Variants in TAFA4 observed in about 807,000 individuals in gnomAD.
TAFA4 encodes the protein TAFA chemokine like family member 4, also known as chemokine-like protein TAFA-4.
In TAFA4, 20 loss-of-function variants were observed where a neutral mutation model predicts 21.1. The ratio of observed to expected loss-of-function variants is 0.95; its 90% CI spans 0.67 to 1.38. The LOEUF (loss-of-function observed/expected upper bound fraction) is 1.38. TAFA4 is among the 40% of genes most tolerant of loss of function. TAFA4 has a pLI of 0.00. For missense variants in TAFA4, 211 were observed against 180.9 expected, an observed-to-expected ratio of 1.17 and a Z score of -0.95; for synonymous variants, 71 against 67.4, an observed-to-expected ratio of 1.05 and a Z score of -0.26.
At chr3:68,892,362 A>C (rs1049625469) in intron 1 of TAFA4, among the ~76,000 whole-genome samples, 6 of 152,206 alleles carry the variant, frequency 3.9e-5, no homozygotes, top group African/African-American at 1.4e-4. Flanking sequence ...TATAAATGGC[A>C]TTTTAATTTC....
intron 3 of TAFA4, among the ~76,000 whole-genome samples, chr3:68,777,665 T>C (rs575571209): frequency 1.3e-5 from 2 of 152,112 alleles, no homozygotes; most frequent in South Asian, 4.2e-4. Context: ...GTAAAACAAA[T>C]TAAGAATATA....
chr3:68,852,312 T>C (rs935278371), intron 3 of TAFA4, among the ~76,000 whole-genome samples: 12 of 152,242 alleles, frequency 7.9e-5, no homozygotes, highest in African/African-American at 2.6e-4. Flanking sequence ...CCTGGGACTT[T>C]CTTCTCCCTC....
intron 3 of TAFA4, among the ~76,000 whole-genome samples, chr3:68,817,844 G>T (rs1219370494): frequency 6.6e-6 from 1 of 152,028 alleles, no homozygotes; most frequent in Non-Finnish European, 1.5e-5. Context: ...TGTCATCCTG[G>T]CTCTACTCAT....
rs965941034 is a variant in TAFA4 at position 68,775,678 on chromosome 3, T to C, written c.131-22660A>G. 2.5e-4 allele frequency among the ~76,000 whole-genome samples: 38 copies of C among 152,128 alleles called. 1 individual carries two copies. The highest frequency in any genetic ancestry group is 8.2e-4 in the African/African-American group (34 of 41,436). ...GTACTCTGGTAATACAGGTCCCATA[T>C]TGACCACAAGTAGCAACACTCCAGA... On this transcript the variant is annotated intron_variant, in intron 3 of 5. Transcript: ENST00000295569.
chr3:68,770,215 G>C (rs187377001), intron 3 of TAFA4, among the ~76,000 whole-genome samples: 1 of 152,240 alleles, frequency 6.6e-6, no homozygotes, highest in Non-Finnish European at 1.5e-5. Flanking sequence ...AAAACACTTT[G>C]TCAAAAATAT....
chr3:68,813,787 A>G (rs1024504957), intron 3 of TAFA4, among the ~76,000 whole-genome samples: 5 of 152,160 alleles, frequency 3.3e-5, no homozygotes, highest in Non-Finnish European at 7.3e-5. Context: ...ATCAATAGAA[A>G]AAGAGGGAAT....
intron 4 of TAFA4, among the ~76,000 whole-genome samples, chr3:68,752,366 G>C (rs1702570820): frequency 6.6e-6 from 1 of 152,152 alleles, no homozygotes; most frequent in Non-Finnish European, 1.5e-5. Flanking sequence ...AGGGGATTTG[G>C]AGATTACAAA....
At chr3:68,842,927 G>A in intron 3 of TAFA4, among the ~76,000 whole-genome samples, 1 of 152,104 alleles carries the variant, frequency 6.6e-6, no homozygotes, top group East Asian at 1.9e-4. Flanking sequence ...ATGCTGTTTT[G>A]GTTACTGTAG....
chr3:68,762,857 G>A (rs1702781235), intron 3 of TAFA4, among the ~76,000 whole-genome samples: 1 of 152,196 alleles, frequency 6.6e-6, no homozygotes, highest in South Asian at 2.1e-4. Flanking sequence ...TAGCCAACAT[G>A]GCAAAACCCG....
chr3:68,734,209 CTGTTTT>C (rs1553713585), intron 5 of TAFA4, among the ~76,000 whole-genome samples: 4 of 152,096 alleles, frequency 2.6e-5, no homozygotes, highest in Non-Finnish European at 5.9e-5. Flanking sequence ...CTGAAATATT[CTGTTTT>C]TGATTTTTTC....
At chr3:68,733,773 C>T (rs553502832) in intron 5 of TAFA4, among the ~76,000 whole-genome samples, 2 of 152,244 alleles carry the variant, frequency 1.3e-5, no homozygotes, top group South Asian at 2.1e-4. Context: ...AACATGCCTA[C>T]ACCACAAAAA....
At chr3:68,736,233 G>C (rs977398224) in intron 5 of TAFA4, among the ~76,000 whole-genome samples, 1 of 151,734 alleles carries the variant, frequency 6.6e-6, no homozygotes, top group South Asian at 2.1e-4. Context: ...TTAGCTCACC[G>C]AATGCAGCAA....
At chr3:68,878,133 AG>A (rs1559551723) in intron 3 of TAFA4, among the ~76,000 whole-genome samples, 1 of 152,174 alleles carries the variant, frequency 6.6e-6, no homozygotes, top group Admixed American at 6.5e-5. Context: ...TTATGCCAAC[AG>A]ATTTTATTAA....
intron 3 of TAFA4, among the ~76,000 whole-genome samples, chr3:68,814,555 C>T (rs1190890967): frequency 6.6e-6 from 1 of 152,140 alleles, no homozygotes; most frequent in Non-Finnish European, 1.5e-5. Context: ...AGTGAACTCC[C>T]ATTCACAATC....
intron 3 of TAFA4, among the ~76,000 whole-genome samples, chr3:68,783,671 CACAGAG>C (rs1163186475): frequency 3.1e-5 from 3 of 96,302 alleles, no homozygotes; most frequent in African/African-American, 1.3e-4. Flanking sequence ...GACACACACA[CACAGAG>C]AGAGAGAGAG....
At chr3:68,900,705 C>T in intron 1 of TAFA4, among the ~76,000 whole-genome samples, 1 of 152,182 alleles carries the variant, frequency 6.6e-6, no homozygotes, top group East Asian at 1.9e-4. Context: ...TAGCCCTTAA[C>T]AGAGCAAGTT....
intron 1 of TAFA4, among the ~76,000 whole-genome samples, chr3:68,926,867 C>A (rs745829181): frequency 6.6e-6 from 1 of 151,896 alleles, no homozygotes; most frequent in Admixed American, 6.6e-5. Flanking sequence ...GCCAAGATTC[C>A]GCCATTGCAC....
chr3:68,782,386 G>A (rs773858192), intron 3 of TAFA4, among the ~76,000 whole-genome samples: 7 of 152,214 alleles, frequency 4.6e-5, no homozygotes, highest in Non-Finnish European at 1.0e-4. Flanking sequence ...ATACATTTCT[G>A]ATGGGGATGT....
chr3:68,904,920 G>C (rs1431125052), intron 1 of TAFA4, among the ~76,000 whole-genome samples: 2 of 152,222 alleles, frequency 1.3e-5, no homozygotes, highest in Non-Finnish European at 2.9e-5. Flanking sequence ...TGGCCTTGCA[G>C]CTGTGGCCAA....
Sources: allele counts gnomAD v4.1 joint callset (sites outside exome capture counted in the v4.1 genomes callset), GRCh38; gene constraint gnomAD v4.1.1; transcripts MANE v1.5; gene names NCBI Gene and HGNC (gene_info 2026-07-23, HGNC 2026-07-21).